The following SMARCC1 variants were observed in gnomAD, a reference collection of about 807,000 sequenced individuals.
SMARCC1 encodes SWI/SNF related BAF chromatin remodeling complex subunit C1, also known as SWI/SNF complex subunit SMARCC1.
Under a neutral mutation model 147.4 loss-of-function variants are expected in SMARCC1, and 43 were observed. That is an observed-to-expected ratio of 0.29 (90% CI 0.23 to 0.38). The LOEUF (loss-of-function observed/expected upper bound fraction) is 0.38. Ranked by LOEUF, SMARCC1 falls within the 10% of genes least tolerant of loss-of-function variation. The probability of loss-of-function intolerance (pLI) is 1.00; values close to 1 mark genes in which losing one functional copy is unlikely to be tolerated. For missense variants in SMARCC1, 1,119 were observed against 1,381.1 expected (o/e 0.81, Z 3.01); for synonymous variants, 495 against 484.4 (o/e 1.02, Z -0.29).
intron 2 of SMARCC1, among the ~76,000 whole-genome samples, chr3:47,749,668 T>TCACACACACACACACACACAC (rs1244625076): frequency 9.1e-5 from 1 of 10,994 alleles, no homozygotes; most frequent in Non-Finnish European, 5.9e-4. Flanking sequence ...CCCTCTAAAT[T>TCACACACACACACACACACAC]AAACACACAC....
intron 18 of SMARCC1, among the ~76,000 whole-genome samples, chr3:47,674,670 G>C (rs1349691722): frequency 1.3e-5 from 2 of 152,110 alleles, no homozygotes; most frequent in African/African-American, 4.8e-5. Context: ...TTTCAGTAGA[G>C]GCAAGGCTGC....
chr3:47,598,573 TA>T (rs1280059214), intron 26 of SMARCC1, among the ~76,000 whole-genome samples: 2 of 152,088 alleles, frequency 1.3e-5, no homozygotes, highest in Non-Finnish European at 1.5e-5. Context: ...CTCATGCCTG[TA>T]ATCCCAGTAC....
chr3:47,671,820 A>C (rs1343579805), intron 18 of SMARCC1, among the ~76,000 whole-genome samples: 1 of 152,236 alleles, frequency 6.6e-6, no homozygotes, highest in Non-Finnish European at 1.5e-5. Context: ...TTTAATAAAT[A>C]AACATTTCTA....
intron 26 of SMARCC1, among the ~76,000 whole-genome samples, chr3:47,597,561 C>G (rs2032310883): frequency 6.6e-6 from 1 of 152,126 alleles, no homozygotes; most frequent in Non-Finnish European, 1.5e-5. Context: ...TTCCTGACCT[C>G]ATGATCCGCC....
chr3:47,608,797 C>T (rs2106666755), intron 26 of SMARCC1, among the ~76,000 whole-genome samples: 1 of 146,484 alleles, frequency 6.8e-6, no homozygotes, highest in South Asian at 2.1e-4. Flanking sequence ...TGCAGTGAGC[C>T]ATGATCATGT....
At chr3:47,642,970 T>C (rs2033068713) in intron 21 of SMARCC1, among the ~76,000 whole-genome samples, 1 of 152,118 alleles carries the variant, frequency 6.6e-6, no homozygotes, top group Non-Finnish European at 1.5e-5. Flanking sequence ...CTGCTGAGCC[T>C]GGGAAGTTGA....
chr3:47,770,889 A>G (rs1271437433), intron 2 of SMARCC1, among the ~76,000 whole-genome samples: 3 of 152,076 alleles, frequency 2.0e-5, no homozygotes, highest in Non-Finnish European at 4.4e-5. Context: ...TCACCGAAAC[A>G]ATACTATTTT....
intron 24 of SMARCC1, among the ~76,000 whole-genome samples, chr3:47,631,832 T>C (rs917879208): frequency 1.3e-5 from 2 of 152,210 alleles, no homozygotes; most frequent in Non-Finnish European, 2.9e-5. Context: ...ATATTAATTA[T>C]AGTAATTTAA....
At chr3:47,769,580 C>T (rs1005987611) in intron 2 of SMARCC1, among the ~76,000 whole-genome samples, 1 of 152,030 alleles carries the variant, frequency 6.6e-6, no homozygotes, top group Non-Finnish European at 1.5e-5. Flanking sequence ...CATCCTCCCC[C>T]ACTTAGCTGA....
intron 26 of SMARCC1, among the ~76,000 whole-genome samples, chr3:47,606,422 A>G (rs1346761344): frequency 6.6e-6 from 1 of 152,206 alleles, no homozygotes; most frequent in Admixed American, 6.5e-5. Context: ...CAGTTCTTCA[A>G]CTGTAAGGTG....
chr3:47,621,028 A>T (rs1020191935), intron 25 of SMARCC1, among the ~76,000 whole-genome samples: 3 of 152,120 alleles, frequency 2.0e-5, no homozygotes, highest in African/African-American at 7.2e-5. Context: ...TCGGCCGGGC[A>T]TGGTGGCTCA....
rs2034440466 is a variant in SMARCC1 at position 47,736,124 on chromosome 3, G to A, written c.486C>T (p.Asn162=). Residue 162 remains asparagine (N), a splice_region_variant and synonymous_variant, in exon 5 of 28, where the codon AAC becomes AAT. Transcript: ENST00000254480. ...FMNIEKTLVQ[N]NCLTRPNIYL... ...AGATGTTGGGTCTGGTCAAACAATT[G>A]TTCTGAGGATGAAAAGAACAGACTT... 6.5e-7 allele frequency: 1 copy of A among 1,544,956 alleles called. No homozygotes were observed.
chr3:47,661,417 A>G lies in SMARCC1; in HGVS notation c.2197T>C (p.Leu733=). 1 of 1,612,774 alleles carries G rather than the reference A, an allele frequency of 6.2e-7. No individual in the cohort carries two copies. The highest frequency in any genetic ancestry group is 8.5e-7 in the Non-Finnish European group (1 of 1,179,600). ...ACTTTCTTGACATGAGCTTCAACCA[A>G]TTCCAGTGGTACCTCCTCCCGGACC... ...SRVREEVPLE[L]VEAHVKKVQE... is the part of the protein sequence containing the mutation. The change falls in exon 21 of 28, where the codon TTG becomes CTG. Residue 733 remains leucine (L), a synonymous_variant. Coordinates refer to ENST00000254480, the MANE Select transcript of SMARCC1 (RefSeq NM_003074.4).
chr3:47,603,757 C>T, intron 26 of SMARCC1: 1 of 281,412 alleles, frequency 3.6e-6, no homozygotes, highest in South Asian at 3.5e-5. Flanking sequence ...TTAAGATCAA[C>T]AAAACCTAAA....
Position 47,678,317 on chromosome 3 carries a change from A to C in SMARCC1, c.1458-6T>G, listed in dbSNP as rs765532258. 2 of 1,478,858 alleles carry C rather than the reference A, an allele frequency of 1.4e-6. No individual in the cohort carries two copies. Among genetic ancestry groups the C allele is most frequent in the Non-Finnish European group, 1.9e-6 (2 of 1,068,888 alleles). The allele number at this position is 1,478,858 out of a possible 1,614,324, so 91.6% of individuals were successfully genotyped here. A position where few individuals can be genotyped will look rare whatever the true frequency, so the allele number is the denominator to read the frequency against. On this transcript the variant is annotated splice_polypyrimidine_tract_variant and splice_region_variant and intron_variant, in intron 15 of 27. Transcript: ENST00000254480. The stretch of plus-strand genomic sequence containing the variant: ...AATTTCGATATGCCAAGTATCTAAA[A>C]AGCAATGGCAAAATTCATAAGGTGG...
chr3:47,725,168 A>G (rs1484406392), intron 6 of SMARCC1, among the ~76,000 whole-genome samples: 2 of 152,038 alleles, frequency 1.3e-5, no homozygotes, highest in Non-Finnish European at 2.9e-5. Flanking sequence ...ATACAATATC[A>G]AACAGATTCA....
chr3:47,655,750 T>C (rs953627156), intron 21 of SMARCC1, among the ~76,000 whole-genome samples: 1 of 151,994 alleles, frequency 6.6e-6, no homozygotes, highest in African/African-American at 2.4e-5. Context: ...TCACTGTATC[T>C]AAAGCACAGT....
chr3:47,716,415 C>CA (rs776727634), intron 7 of SMARCC1, among the ~76,000 whole-genome samples: 19,115 of 49,062 alleles, frequency 0.39, 3,041 homozygotes, highest in Non-Finnish European at 0.43. Flanking sequence ...GACTCCATCT[C>CA]AAAAAAAAAA....
At chr3:47,706,372 T>A (rs779745764) in intron 10 of SMARCC1, 37 bp downstream of exon 10, 2 of 1,469,780 alleles carry the variant, frequency 1.4e-6, no homozygotes, top group South Asian at 2.9e-5. Context: ...ACGTCCGGCC[T>A]GTTTTAATGC....
Sources: allele counts gnomAD v4.1 joint callset (sites outside exome capture counted in the v4.1 genomes callset), GRCh38; gene constraint gnomAD v4.1.1; transcripts MANE v1.5; gene names NCBI Gene and HGNC (gene_info 2026-07-23, HGNC 2026-07-21).